Variants in CA10 observed in about 807,000 individuals in gnomAD.
The protein encoded by CA10 is carbonic anhydrase-related protein 10.
Under a neutral mutation model 44.2 loss-of-function variants are expected in CA10, and 14 were observed. The observed-to-expected ratio is 0.32, with a 90% CI of 0.21 to 0.50. CA10 has a LOEUF of 0.50. Ranked by LOEUF, CA10 falls within the 20% of genes least tolerant of loss-of-function variation. The pLI, the probability that CA10 is intolerant of heterozygous loss-of-function variation, is 0.99. For synonymous variants in CA10, 159 were observed against 141.6 expected (o/e 1.12, Z -0.87); for missense variants, 350 against 409.7 (o/e 0.85, Z 1.26).
At chr17:52,156,528 T>C (rs137938315) in intron 1 of CA10, among the ~76,000 whole-genome samples, 2 of 152,340 alleles carry the variant, frequency 1.3e-5, no homozygotes, top group East Asian at 1.9e-4. Flanking sequence ...GACTGGGATT[T>C]GGAACAGAGT....
intron 4 of CA10, among the ~76,000 whole-genome samples, chr17:51,727,320 A>C (rs1027466222): frequency 6.6e-6 from 1 of 152,134 alleles, no homozygotes; most frequent in East Asian, 1.9e-4. Flanking sequence ...GTGTTTTCAG[A>C]GTAATAATCA....
chr17:51,992,910 G>T (rs753251784), intron 2 of CA10, among the ~76,000 whole-genome samples: 3 of 152,052 alleles, frequency 2.0e-5, no homozygotes, highest in Non-Finnish European at 4.4e-5. Flanking sequence ...AATAAAAAAA[G>T]GTGAACTTGT....
chr17:51,846,385 G>A (rs1387890674), intron 3 of CA10, among the ~76,000 whole-genome samples: 2 of 152,232 alleles, frequency 1.3e-5, no homozygotes, highest in Admixed American at 6.5e-5. Context: ...CTGTCTGAGT[G>A]TGGAAACCCT....
chr17:52,072,676 CAT>C (rs879534506), intron 1 of CA10, among the ~76,000 whole-genome samples: 159 of 89,730 alleles, frequency 1.8e-3, no homozygotes, highest in Middle Eastern at 0.01. Flanking sequence ...TCATCTTCCC[CAT>C]ACACACACAC....
chr17:51,889,297 A>G (rs1043443754), intron 3 of CA10, among the ~76,000 whole-genome samples: 2 of 152,048 alleles, frequency 1.3e-5, no homozygotes, highest in Non-Finnish European at 2.9e-5. Flanking sequence ...TGGAGAAGGC[A>G]GATTGCTTGA....
intron 4 of CA10, among the ~76,000 whole-genome samples, chr17:51,668,870 C>T (rs780272078): frequency 1.2e-4 from 18 of 152,214 alleles, no homozygotes; most frequent in Non-Finnish European, 2.2e-4. Context: ...TTGGAGCGGC[C>T]GGCCGGCATC....
chr17:51,797,171 G>A (rs1053899210), intron 3 of CA10, among the ~76,000 whole-genome samples: 8 of 152,132 alleles, frequency 5.3e-5, no homozygotes, highest in African/African-American at 1.7e-4. Context: ...TAGCTCCAGC[G>A]GTTGGTGGAT....
chr17:51,743,168 G>A (rs1195992802), intron 4 of CA10, among the ~76,000 whole-genome samples: 1 of 152,146 alleles, frequency 6.6e-6, no homozygotes, highest in Non-Finnish European at 1.5e-5. Flanking sequence ...CTGCCCCCTT[G>A]AAAAGAAGAA....
chr17:51,647,045 G>A (rs1293030757), intron 6 of CA10, among the ~76,000 whole-genome samples: 3 of 152,250 alleles, frequency 2.0e-5, no homozygotes, highest in Non-Finnish European at 4.4e-5. Context: ...GAGAGGTGTA[G>A]AGTATGGGGG....
At chr17:51,750,797 T>C (rs944551963) in intron 3 of CA10, among the ~76,000 whole-genome samples, 2 of 152,224 alleles carry the variant, frequency 1.3e-5, no homozygotes, top group South Asian at 2.1e-4. Flanking sequence ...ATGACATGCA[T>C]GCTTTGTGCC....
chr17:52,006,380 G>A (rs1227663948), intron 2 of CA10, among the ~76,000 whole-genome samples: 1 of 151,750 alleles, frequency 6.6e-6, no homozygotes, highest in African/African-American at 2.4e-5. Context: ...CATAAAATTT[G>A]GAATATTAAA....
At chr17:51,826,590 C>T (rs1353999372) in intron 3 of CA10, among the ~76,000 whole-genome samples, 2 of 152,188 alleles carry the variant, frequency 1.3e-5, no homozygotes, top group South Asian at 2.1e-4. Flanking sequence ...CTTGTGTGGA[C>T]ATTCAGAGTT....
intron 3 of CA10, among the ~76,000 whole-genome samples, chr17:51,919,566 C>A (rs1177327594): frequency 6.6e-6 from 1 of 152,196 alleles, no homozygotes; most frequent in Non-Finnish European, 1.5e-5. Flanking sequence ...GAGCTGCAAG[C>A]AGTATTATGT....
intron 4 of CA10, among the ~76,000 whole-genome samples, chr17:51,688,407 G>A (rs1158111938): frequency 6.6e-6 from 1 of 152,188 alleles, no homozygotes; most frequent in East Asian, 1.9e-4. Context: ...AAAATCTGGA[G>A]ACCTGCATTG....
chr17:51,810,498 G>A (rs1186651730), intron 3 of CA10, among the ~76,000 whole-genome samples: 1 of 152,258 alleles, frequency 6.6e-6, no homozygotes, highest in East Asian at 1.9e-4. Context: ...TGAGGGAAGA[G>A]AGGAAGGGCA....
intron 2 of CA10, among the ~76,000 whole-genome samples, chr17:51,997,303 G>A (rs973135595): frequency 6.6e-6 from 1 of 151,996 alleles, no homozygotes; most frequent in African/African-American, 2.4e-5. Context: ...CATACCTAGC[G>A]CTGTTTTGTT....
chr17:51,801,262 C>A (rs1906915913), intron 3 of CA10, among the ~76,000 whole-genome samples: 1 of 152,112 alleles, frequency 6.6e-6, no homozygotes, highest in African/African-American at 2.4e-5. Context: ...GTAGTCAGAG[C>A]TGTTGACTAA....
intron 3 of CA10, among the ~76,000 whole-genome samples, chr17:51,904,165 G>A (rs1981439697): frequency 6.6e-6 from 1 of 151,326 alleles, no homozygotes; most frequent in Non-Finnish European, 1.5e-5. Flanking sequence ...CAGGCAATCT[G>A]AGATAACCCT....
intron 1 of CA10, among the ~76,000 whole-genome samples, chr17:52,118,703 G>A (rs1297826354): frequency 6.6e-6 from 1 of 152,066 alleles, no homozygotes; most frequent in East Asian, 1.9e-4. Context: ...AAATTCTAAT[G>A]TTTGGGTATA....
Sources: allele counts gnomAD v4.1 joint callset (sites outside exome capture counted in the v4.1 genomes callset), GRCh38; gene constraint gnomAD v4.1.1; transcripts MANE v1.5; gene names NCBI Gene and HGNC (gene_info 2026-07-23, HGNC 2026-07-21).